PRKN: variants seen among roughly 807,000 people sequenced by gnomAD.
PRKN encodes E3 ubiquitin-protein ligase parkin.
Under a neutral mutation model 59.5 loss-of-function variants are expected in PRKN, and 56 were observed. That is an observed-to-expected ratio of 0.94 (90% CI 0.76 to 1.18). The LOEUF is 1.18. Among genes scored for constraint, PRKN ranks in the 50% most tolerant of loss-of-function variants. The probability of loss-of-function intolerance (pLI) is 0.00; values close to 1 mark genes in which losing one functional copy is unlikely to be tolerated. For synonymous variants in PRKN, 250 were observed against 222.1 expected (o/e 1.13, Z -1.12); for missense variants, 657 against 596.4 (o/e 1.10, Z -1.06).
At position 161,400,859 on chromosome 6, in the gene PRKN, G is replaced by T. The variant is rs1787019574; in HGVS notation, c.1084-13982C>A. On this transcript the variant is annotated intron_variant, in intron 9 of 11. Transcript: ENST00000366898. The surrounding 1 kb of genome is among the most constrained non-coding windows in gnomAD (Gnocchi z 4.2). Reference sequence around the variant, plus strand: ...GAGTCATTTGTTAAAGAAAGCCAGAGAATAAGAACTGTCCTGGGTTATCGC... The same window carrying T: ...GAGTCATTTGTTAAAGAAAGCCAGATAATAAGAACTGTCCTGGGTTATCGC... Among the ~76,000 whole-genome samples the T allele has an allele frequency of 6.6e-6, 1 of 152,152 alleles. No individual in the cohort carries two copies. Among genetic ancestry groups the T allele is most frequent in the Non-Finnish European group, 1.5e-5 (1 of 68,016 alleles).
At chr6:161,622,329 C>T (rs577084701) in intron 7 of PRKN, among the ~76,000 whole-genome samples, 30 of 152,334 alleles carry the variant, frequency 2.0e-4, no homozygotes, top group Non-Finnish European at 4.1e-4. Context: ...AGGTCTGCCC[C>T]GTAGGCTCTG....
chr6:161,910,712 A>G (rs1308052222), intron 6 of PRKN, among the ~76,000 whole-genome samples: 1 of 152,210 alleles, frequency 6.6e-6, no homozygotes, highest in East Asian at 1.9e-4. Flanking sequence ...CATGAAAGGA[A>G]GACTCAATTG....
chr6:161,573,757 TATATATATATATATA>T lies in PRKN; in HGVS notation c.872-4356_872-4342del, dbSNP rs1317718373. 5.1e-4 allele frequency among the ~76,000 whole-genome samples: 23 copies of T among 44,940 alleles called. 2 individuals are homozygous for T. The highest frequency in any genetic ancestry group is 3.1e-3 in the East Asian group (3 of 966). 29.5% of individuals were successfully genotyped at this position (44,940 alleles called of 152,430 possible). On this transcript the variant is annotated intron_variant, in intron 7 of 11. Transcript: ENST00000366898. Reference sequence around the variant, plus strand: ...AAAAAAAAAAAAAAAAAAAAAAAAATATATATATATATATATATATATATATATATATATATATAA... The same window carrying T: ...AAAAAAAAAAAAAAAAAAAAAAAAATTATATATATATATATATATATATAA...
intron 1 of PRKN, among the ~76,000 whole-genome samples, chr6:162,504,708 C>T (rs910214975): frequency 9.9e-5 from 15 of 152,210 alleles, no homozygotes; most frequent in South Asian, 4.2e-4. Context: ...ATACATTTGT[C>T]CCCACTCTAT....
intron 7 of PRKN, among the ~76,000 whole-genome samples, chr6:161,775,945 G>A (rs1789905877): frequency 6.6e-6 from 1 of 152,112 alleles, no homozygotes; most frequent in South Asian, 2.1e-4. Context: ...GTGAAAACTA[G>A]AATTACATGA....
At chr6:162,317,051 G>A (rs1451977750) in intron 2 of PRKN, among the ~76,000 whole-genome samples, 2 of 151,598 alleles carry the variant, frequency 1.3e-5, no homozygotes. Flanking sequence ...GGGGAGAGTA[G>A]GCTTATTCAC....
At chr6:162,185,202 T>C (rs929308516) in intron 4 of PRKN, among the ~76,000 whole-genome samples, 1 of 152,192 alleles carries the variant, frequency 6.6e-6, no homozygotes, top group Non-Finnish European at 1.5e-5. Flanking sequence ...TAAACTCATC[T>C]TAATTTTCCA....
At chr6:162,266,288 T>C (rs1273931375) in intron 2 of PRKN, among the ~76,000 whole-genome samples, 2 of 146,238 alleles carry the variant, frequency 1.4e-5, no homozygotes, top group African/African-American at 2.6e-5. Flanking sequence ...GGACAGTATA[T>C]ACATATATAT....
At chr6:162,001,956 A>G (rs1292139656) in intron 5 of PRKN, among the ~76,000 whole-genome samples, 1 of 148,308 alleles carries the variant, frequency 6.7e-6, no homozygotes, top group Non-Finnish European at 1.5e-5. Flanking sequence ...GCCTGCTGAT[A>G]TGATGGATTA....
chr6:162,419,988 G>A (rs1788868610), intron 2 of PRKN, among the ~76,000 whole-genome samples: 1 of 152,164 alleles, frequency 6.6e-6, no homozygotes, highest in African/African-American at 2.4e-5. Context: ...GTGGGAGACA[G>A]TTTCTCCACA....
In PRKN at chr6:161,473,528, T is replaced by C. The variant is rs78431004; in HGVS notation, c.1083+75326A>G. Among the ~76,000 whole-genome samples, 1,474 of 151,186 alleles carry C rather than the reference T, an allele frequency of 9.7e-3. 20 individuals carry two copies. The highest frequency in any genetic ancestry group is 0.024 in the Middle Eastern group (7 of 292). ...TACATGTGGAATCTTAAAAAAAAAA[T>C]GTCAAATATATAGAGACAGAATAAA... On this transcript the variant is annotated intron_variant, in intron 9 of 11. Transcript: ENST00000366898. The surrounding 1 kb of genome is among the most constrained non-coding windows in gnomAD (Gnocchi z 4.1).
chr6:162,230,790 A>G (rs2128085793), intron 3 of PRKN, among the ~76,000 whole-genome samples: 1 of 152,334 alleles, frequency 6.6e-6, no homozygotes, highest in East Asian at 1.9e-4. Context: ...TGCACCAGGC[A>G]AACCAAGTCA....
At chr6:161,825,188 C>A (rs1792188805) in intron 6 of PRKN, among the ~76,000 whole-genome samples, 1 of 151,916 alleles carries the variant, frequency 6.6e-6, no homozygotes, top group South Asian at 2.1e-4. Context: ...GACCAAAAAT[C>A]ATAGGAAAAA....
intron 5 of PRKN, among the ~76,000 whole-genome samples, 159 bp downstream of exon 5, chr6:162,053,932 G>A (rs1582961795): frequency 6.6e-6 from 1 of 152,276 alleles, no homozygotes; most frequent in Admixed American, 6.5e-5. Flanking sequence ...TTGGAATTTT[G>A]GTGAATGTAA....
intron 2 of PRKN, among the ~76,000 whole-genome samples, chr6:162,441,260 A>G (rs927508756): frequency 6.6e-6 from 1 of 152,116 alleles, no homozygotes; most frequent in East Asian, 1.9e-4. Flanking sequence ...TTCCCCACCA[A>G]TGAAACTTCA....
intron 6 of PRKN, among the ~76,000 whole-genome samples, chr6:161,956,654 T>C (rs1183284399): frequency 6.6e-6 from 1 of 152,320 alleles, no homozygotes; most frequent in East Asian, 1.9e-4. Context: ...TTTAATTTCC[T>C]GAATTAAAAT....
intron 2 of PRKN, among the ~76,000 whole-genome samples, chr6:162,439,584 G>T (rs769264002): frequency 1.3e-5 from 2 of 151,882 alleles, no homozygotes; most frequent in Non-Finnish European, 2.9e-5. Flanking sequence ...CTTGTACAGC[G>T]GACCCTTGAA....
chr6:161,892,127 A>G (rs1220470471), intron 6 of PRKN, among the ~76,000 whole-genome samples: 3 of 152,190 alleles, frequency 2.0e-5, no homozygotes, highest in Admixed American at 1.3e-4. Flanking sequence ...CTAAGTGCTT[A>G]TATTTGAATA....
chr6:162,566,296 G>C (rs1349031882), intron 1 of PRKN, among the ~76,000 whole-genome samples: 1 of 146,344 alleles, frequency 6.8e-6, no homozygotes, highest in Non-Finnish European at 1.5e-5. Context: ...GATCAGAGCA[G>C]AAATAAATAA....
Sources: allele counts gnomAD v4.1 joint callset (sites outside exome capture counted in the v4.1 genomes callset), GRCh38; gene constraint gnomAD v4.1.1; non-coding constraint Gnocchi (gnomAD v3.1); transcripts MANE v1.5; gene names NCBI Gene and HGNC (gene_info 2026-07-23, HGNC 2026-07-21).